Variants in ARL15 observed in about 807,000 individuals in gnomAD.
ARL15 encodes ADP-ribosylation factor-like protein 15.
ARL15 carries 19 observed loss-of-function variants against 25.2 expected under a neutral mutation model. The ratio of observed to expected loss-of-function variants is 0.75; its 90% CI spans 0.53 to 1.10. ARL15 has a LOEUF of 1.10. Ranked by LOEUF, ARL15 falls within the 50% of genes least tolerant of loss-of-function variation. The pLI, the probability that ARL15 is intolerant of heterozygous loss-of-function variation, is 0.00. For missense variants in ARL15, 220 were observed against 246.0 expected, an observed-to-expected ratio of 0.89 and a Z score of 0.71; for synonymous variants, 94 against 86.8, an observed-to-expected ratio of 1.08 and a Z score of -0.46.
At chr5:54,236,727 A>G (rs1054337518) in intron 1 of ARL15, among the ~76,000 whole-genome samples, 1 of 152,138 alleles carries the variant, frequency 6.6e-6, no homozygotes, top group Non-Finnish European at 1.5e-5. Context: ...CATTTAAACA[A>G]AATCCTTCTT....
chr5:54,119,499 T>A (rs1008986649), intron 3 of ARL15, among the ~76,000 whole-genome samples: 2 of 152,112 alleles, frequency 1.3e-5, no homozygotes, highest in African/African-American at 4.8e-5. Flanking sequence ...GCACAAACTA[T>A]CACAAATATA....
intron 4 of ARL15, among the ~76,000 whole-genome samples, chr5:53,942,189 G>A (rs887781172): frequency 1.3e-5 from 2 of 151,528 alleles, no homozygotes; most frequent in Non-Finnish European, 2.9e-5. Flanking sequence ...TGGGGCCAGG[G>A]AACTAGGTAA....
intron 1 of ARL15, among the ~76,000 whole-genome samples, chr5:54,300,827 C>T (rs1758596937): frequency 6.6e-6 from 1 of 152,192 alleles, no homozygotes; most frequent in Non-Finnish European, 1.5e-5. Context: ...CTTCTCTGCA[C>T]TGCAGACAGA....
chr5:54,004,492 C>T (rs1748952984), intron 4 of ARL15, among the ~76,000 whole-genome samples: 1 of 99,594 alleles, frequency 1.0e-5, no homozygotes, highest in African/African-American at 4.4e-5. Context: ...AAGACTGTGT[C>T]TCAAAAAAAA....
intron 1 of ARL15, among the ~76,000 whole-genome samples, chr5:54,184,562 T>C (rs888776782): frequency 6.3e-5 from 9 of 143,442 alleles, no homozygotes; most frequent in East Asian, 2.1e-4. Flanking sequence ...CTCAATAAAG[T>C]AGATTCTTTC....
In ARL15 at chr5:54,143,318, CT is replaced by C. The variant is rs138665047; in HGVS notation, c.253+11261del. Among the ~76,000 whole-genome samples, 367 of 152,030 alleles carry C rather than the reference CT, an allele frequency of 2.4e-3. 1 individual carries two copies. The highest frequency in any genetic ancestry group is 8.4e-3 in the African/African-American group (349 of 41,514). On this transcript the variant is annotated intron_variant, in intron 3 of 4. Transcript: ENST00000504924. ...TAAAGGTTCATGATTACTTAGTTAT[CT>C]TAGTATATCAATATGAAATCTTTTT...
At chr5:53,992,700 T>C (rs1043367396) in intron 4 of ARL15, among the ~76,000 whole-genome samples, 3 of 151,642 alleles carry the variant, frequency 2.0e-5, no homozygotes, top group South Asian at 2.1e-4. Context: ...TAGATGCCCA[T>C]CCATCTCAAA....
chr5:54,060,152 A>AAAAG (rs57104599), intron 4 of ARL15, among the ~76,000 whole-genome samples: 1 of 142,524 alleles, frequency 7.0e-6, no homozygotes, highest in African/African-American at 2.7e-5. Context: ...AAAAAAAAAA[A>AAAAG]CCCCGGGTGC....
chr5:54,053,900 C>G (rs778007187), intron 4 of ARL15, among the ~76,000 whole-genome samples: 23 of 152,156 alleles, frequency 1.5e-4, no homozygotes, highest in Non-Finnish European at 2.8e-4. Context: ...AATACCATAT[C>G]AACTTTAGTT....
At chr5:54,039,918 GAGAAGAAGCCAC>G (rs2111938730) in intron 4 of ARL15, among the ~76,000 whole-genome samples, 1 of 151,658 alleles carries the variant, frequency 6.6e-6, no homozygotes, top group Non-Finnish European at 1.5e-5. Flanking sequence ...TGGTCCACTG[GAGAAGAAGCCAC>G]AAAAGATCAT....
intron 3 of ARL15, among the ~76,000 whole-genome samples, chr5:54,121,854 G>A (rs976650745): frequency 6.6e-6 from 1 of 152,186 alleles, no homozygotes; most frequent in Non-Finnish European, 1.5e-5. Flanking sequence ...ATAGGATTGT[G>A]AGGATTAAAT....
At chr5:54,202,176 A>C (rs1388944179) in intron 1 of ARL15, among the ~76,000 whole-genome samples, 1 of 152,208 alleles carries the variant, frequency 6.6e-6, no homozygotes, top group African/African-American at 2.4e-5. Context: ...ATCAAGGCAG[A>C]AAAATTATAT....
chr5:54,067,205 T>C (rs562593579), intron 4 of ARL15: 79 of 152,742 alleles, frequency 5.2e-4, no homozygotes, highest in African/African-American at 1.8e-3. Flanking sequence ...ATTACTGAGA[T>C]TGACAATATA....
At chr5:54,266,276 C>T (rs781564421) in intron 1 of ARL15, among the ~76,000 whole-genome samples, 5 of 152,306 alleles carry the variant, frequency 3.3e-5, no homozygotes, top group Non-Finnish European at 7.3e-5. Context: ...GAGAGCAGAC[C>T]TCTCCCCGTG....
intron 4 of ARL15, among the ~76,000 whole-genome samples, chr5:54,012,559 T>C (rs1749281134): frequency 6.6e-6 from 1 of 151,902 alleles, no homozygotes; most frequent in Non-Finnish European, 1.5e-5. Context: ...GGTTTTGCTC[T>C]TGTTGCCCAG....
At chr5:53,893,226 T>C (rs1182043598) in intron 4 of ARL15, among the ~76,000 whole-genome samples, 4 of 152,122 alleles carry the variant, frequency 2.6e-5, no homozygotes, top group Middle Eastern at 3.2e-3. Context: ...TGTCAAATTG[T>C]ACAAGTCATG....
At chr5:54,166,155 C>T (rs1754557657) in intron 2 of ARL15, among the ~76,000 whole-genome samples, 2 of 151,902 alleles carry the variant, frequency 1.3e-5, no homozygotes, top group Non-Finnish European at 2.9e-5. Flanking sequence ...TTATGATGTG[C>T]CTTGGTATAG....
At chr5:53,974,511 TC>T (rs1205796076) in intron 4 of ARL15, among the ~76,000 whole-genome samples, 1 of 152,160 alleles carries the variant, frequency 6.6e-6, no homozygotes, top group Non-Finnish European at 1.5e-5. Context: ...AAACCATGTA[TC>T]TGTGAGCAGA....
chr5:54,261,746 T>C (rs1052659084), intron 1 of ARL15, among the ~76,000 whole-genome samples: 3 of 151,748 alleles, frequency 2.0e-5, no homozygotes, highest in Non-Finnish European at 4.4e-5. Flanking sequence ...CTGAACCAGA[T>C]CTTACACACA....
Sources: allele counts gnomAD v4.1 joint callset (sites outside exome capture counted in the v4.1 genomes callset), GRCh38; gene constraint gnomAD v4.1.1; transcripts MANE v1.5; gene names NCBI Gene and HGNC (gene_info 2026-07-23, HGNC 2026-07-21).